ARID5A: variants seen among roughly 807,000 people sequenced by gnomAD.
ARID5A encodes AT-rich interaction domain 5A.
ARID5A carries 14 observed loss-of-function variants against 30.5 expected under a neutral mutation model. That is an observed-to-expected ratio of 0.46 (90% CI 0.30 to 0.72). ARID5A has a LOEUF of 0.72. Among genes scored for constraint, ARID5A ranks in the 30% least tolerant of loss-of-function variants. ARID5A has a pLI of 0.07. For synonymous variants in ARID5A, 338 were observed against 340.4 expected, an observed-to-expected ratio of 0.99 and a Z score of 0.08; for missense variants, 669 against 786.2, an observed-to-expected ratio of 0.85 and a Z score of 1.78.
chr2:96,545,878 T>A (rs2065918861), intron 1 of ARID5A, among the ~76,000 whole-genome samples: 1 of 151,194 alleles, frequency 6.6e-6, no homozygotes, highest in African/African-American at 2.4e-5. Context: ...CACTTGAACC[T>A]GGGAGGCGAA....
Position 96,549,188 on chromosome 2 carries a change from G to C in ARID5A, c.121-133G>C. 6.7e-7 allele frequency: 1 copy of C among 1,482,494 alleles called. No individual in the cohort carries two copies. The allele number at this position is 1,482,494 out of a possible 1,614,324, so 91.8% of individuals were successfully genotyped here. ...GGAACAGTCACTCCCTCCCAGAACAGTGGCTAGGTGTTCTCTGGGAAACTG... is the reference window on the plus strand; with the variant it reads ...GGAACAGTCACTCCCTCCCAGAACACTGGCTAGGTGTTCTCTGGGAAACTG... On this transcript the variant is annotated intron_variant, in intron 2 of 6. Transcript: ENST00000357485. This position sits in a 1 kb window ranked among gnomAD's most constrained non-coding sequence, Gnocchi z 6.1.
chr2:96,550,808 G>T lies in ARID5A; in HGVS notation c.570+75G>T. On this transcript the variant is annotated intron_variant, in intron 6 of 6. Transcript: ENST00000357485. This position sits in a 1 kb window ranked among gnomAD's most constrained non-coding sequence, Gnocchi z 6.6. ...CCCTACCCCACAACTCCCTGTGGCC[G>T]CGGAGCTGTCTGCTCAGAATACACA... 1.4e-6 allele frequency: 2 copies of T among 1,467,248 alleles called. No homozygotes were observed. Among genetic ancestry groups the T allele is most frequent in the Admixed American group, 2.6e-5 (1 of 38,984 alleles). 90.9% of individuals were successfully genotyped at this position (1,467,248 alleles called of 1,614,324 possible).
intron 1 of ARID5A, chr2:96,538,387 C>G (rs1029699541): frequency 4.7e-5 from 45 of 955,634 alleles, no homozygotes; most frequent in Non-Finnish European, 5.2e-5. Flanking sequence ...CCCCGCACCT[C>G]CTTCCCTTTC....
Position 96,551,243 on chromosome 2 carries a change from T to C in ARID5A, c.715T>C (p.Tyr239His). Residue 239 changes from tyrosine (Y) to histidine (H), a missense_variant, in exon 7 of 7, where the codon TAC (tyrosine) becomes CAC (histidine). Physicochemically the swap from Tyr to His is moderately conservative, Grantham distance 83. Transcript: ENST00000357485. ...FVGASGCPEA[Y>H]KRLLSSFYCK... ...GGGTGCCAGCGGCTGTCCTGAGGCC[T>C]ACAAGCGGCTCCTATCCAGCTTCTA... is the stretch of plus-strand genomic sequence containing the variant. 1 of 1,613,910 alleles carries C rather than the reference T, an allele frequency of 6.2e-7. No homozygotes were observed. The highest frequency in any genetic ancestry group is 2.2e-5 in the East Asian group (1 of 44,882).
Position 96,551,412 on chromosome 2 carries a change from C to T in ARID5A, c.884C>T (p.Pro295Leu). ...CAGGCGTCCCCAGCTGTTCACCTCC[C>T]AGAGAGTCCCCAGAGCCCCAAAGGG... ...EPQASPAVHL[P>L]ESPQSPKGLT... The change falls in exon 7 of 7, where the codon CCA (proline) becomes CTA (leucine). Residue 295 changes from proline (P) to leucine (L), a missense_variant. This residue lies in a region of ARID5A where 548 missense variants were observed against 577.4 expected (regional missense o/e 0.95). Transcript: ENST00000357485. The T allele has an allele frequency of 6.2e-7, 1 of 1,604,784 alleles. No homozygotes were observed.
rs181499577 is a variant in ARID5A, at chr2:96,546,126, G to C, written c.5-1276G>C. On this transcript the variant is annotated intron_variant, in intron 1 of 6. Coordinates refer to ENST00000357485, the MANE Select transcript of ARID5A (RefSeq NM_212481.3). ...AAAGCAGGACCACTCAGTGGCCAAG[G>C]ATTCTACCCTGTGCCTCTGAGTACC... Among the ~76,000 whole-genome samples the C allele has an allele frequency of 8.5e-4, 129 of 152,272 alleles. 1 individual carries two copies. Among genetic ancestry groups the C allele is most frequent in the African/African-American group, 3.0e-3 (126 of 41,538 alleles).
At chr2:96,540,134 C>T (rs1005274008) in intron 1 of ARID5A, among the ~76,000 whole-genome samples, 2 of 152,216 alleles carry the variant, frequency 1.3e-5, no homozygotes, top group African/African-American at 2.4e-5. Context: ...GCCTAGCCCA[C>T]ACCAGCCAGG....
chr2:96,547,568 C>T (rs1250172935), intron 2 of ARID5A, 51 bp downstream of exon 2: 3 of 1,550,588 alleles, frequency 1.9e-6, no homozygotes, highest in South Asian at 1.1e-5. Flanking sequence ...CTGCCACCCT[C>T]ACCTGTGCTC....
chr2:96,552,586 C>T lies in ARID5A; in HGVS notation c.*273C>T. ...CTGCCCCAGAGCGGAGCTCGAAGCA[C>T]CCAGGTTGCCCACGGAAAATCCAAT... On this transcript the variant is annotated 3_prime_UTR_variant, in exon 7 of 7. Transcript: ENST00000357485. 1 of 1,480,192 alleles carries T rather than the reference C, an allele frequency of 6.8e-7. No individual in the cohort carries two copies. The highest frequency in any genetic ancestry group is 8.9e-7 in the Non-Finnish European group (1 of 1,118,922). 91.7% of individuals were successfully genotyped at this position (1,480,192 alleles called of 1,614,324 possible).
At position 96,551,642 on chromosome 2, in the gene ARID5A, T is replaced by C. The variant is rs750461646; in HGVS notation, c.1114T>C (p.Leu372=). 1.8e-5 allele frequency: 27 copies of C among 1,527,804 alleles called. No individual in the cohort carries two copies. Among genetic ancestry groups the C allele is most frequent in the Middle Eastern group, 1.8e-4 (1 of 5,674 alleles). 94.6% of individuals were successfully genotyped at this position (1,527,804 alleles called of 1,614,324 possible). The change falls in exon 7 of 7, where the codon TTG becomes CTG. Residue 372 remains leucine, a synonymous_variant. Coordinates refer to ENST00000357485, the MANE Select transcript of ARID5A (RefSeq NM_212481.3). Reference sequence around the variant, plus strand: ...CTCTAGACTTAAAGATGGGGTGCTATTGGGGCCTCCTGGCAAAGAGGGGCT... The same window carrying C: ...CTCTAGACTTAAAGATGGGGTGCTACTGGGGCCTCCTGGCAAAGAGGGGCT... ...FFSRLKDGVL[L]GPPGKEGLSV...
At chr2:96,538,751 G>A (rs2065791270) in intron 1 of ARID5A, among the ~76,000 whole-genome samples, 1 of 152,246 alleles carries the variant, frequency 6.6e-6, no homozygotes, top group Non-Finnish European at 1.5e-5. Context: ...GCGGGGCGGC[G>A]TCTGCTGGTT....
chr2:96,547,094 G>T (rs1455589933), intron 1 of ARID5A, among the ~76,000 whole-genome samples: 1 of 152,080 alleles, frequency 6.6e-6, no homozygotes, highest in Non-Finnish European at 1.5e-5. Context: ...GAGGGCCTGT[G>T]TGTGTGTGTG....
chr2:96,547,702 T>C (rs1314466668), intron 2 of ARID5A, among the ~76,000 whole-genome samples, 185 bp downstream of exon 2: 1 of 152,180 alleles, frequency 6.6e-6, no homozygotes, highest in Non-Finnish European at 1.5e-5. Context: ...ATCTTGGTTT[T>C]TGTAGCAGAA....
chr2:96,540,742 TTTTG>T (rs557412272), intron 1 of ARID5A, among the ~76,000 whole-genome samples: 73 of 152,258 alleles, frequency 4.8e-4, no homozygotes, highest in Admixed American at 1.4e-3. Flanking sequence ...AGTGGGGGTT[TTTTG>T]TTTGTTTGTT....
Position 96,550,671 on chromosome 2 carries a change from A to AG in ARID5A, c.514dup (p.Asp172GlyfsTer2). On this transcript the variant is annotated frameshift_variant, in exon 6 of 7. Coordinates refer to ENST00000357485, the MANE Select transcript of ARID5A (RefSeq NM_212481.3). LOFTEE classifies it high-confidence loss of function. This position sits in a 1 kb window ranked among gnomAD's most constrained non-coding sequence, Gnocchi z 6.6. ...ACAGTACAAGATGGCTAAGGAGAAC[A>AG]GGGGGGATGATGGGGCCACCGAGAG... 6.3e-7 allele frequency: 1 copy of AG among 1,597,944 alleles called. No individual in the cohort carries two copies. Among genetic ancestry groups the AG allele is most frequent in the Non-Finnish European group, 8.5e-7 (1 of 1,173,380 alleles).
Sources: gnomAD v4.1 joint callset for allele counts (sites outside exome capture counted in the v4.1 genomes callset) on GRCh38, gnomAD v4.1.1 for gene constraint, gnomAD v4.1.1 regional missense constraint, Gnocchi (gnomAD v3.1) non-coding constraint, MANE v1.5 for transcripts, NCBI Gene and HGNC (gene_info 2026-07-23, HGNC 2026-07-21) for gene names.